Variants in PIN4 observed in about 807,000 individuals in gnomAD.
PIN4 encodes peptidyl-prolyl cis-trans isomerase NIMA-interacting 4.
A neutral mutation model predicts 8.3 loss-of-function variants in PIN4; 3 were observed. The ratio of observed to expected loss-of-function variants is 0.36; its 90% CI spans 0.16 to 0.93. The LOEUF (loss-of-function observed/expected upper bound fraction) is 0.93. Among genes scored for constraint, PIN4 ranks in the 40% least tolerant of loss-of-function variants. PIN4 has a pLI of 0.44. For missense variants in PIN4, 75 were observed against 100.6 expected (o/e 0.75, Z 1.09); for synonymous variants, 18 against 32.5 (o/e 0.55, Z 1.52).
At chrX:72,196,665 ACTT>A (rs2042767641) in intron 2 of PIN4, 117 bp from the exon 3 acceptor site, 1 of 542,392 alleles carries the variant, frequency 1.8e-6, no homozygotes, top group Non-Finnish European at 2.9e-6. Flanking sequence ...CAGGATTTTT[ACTT>A]GCTATGAACT....
chrX:72,207,830 T>C (rs1334740118), intron 3 of PIN4: 5 of 1,205,830 alleles, frequency 4.1e-6, no homozygotes, highest in Non-Finnish European at 4.5e-6. Context: ...TTTTCAGATA[T>C]TTTAAATCCC....
intron 3 of PIN4, chrX:72,208,210 C>T (rs773897881): frequency 8.3e-7 from 1 of 1,209,969 alleles, no homozygotes; most frequent in Non-Finnish European, 1.1e-6. Context: ...ATTGAGGTTT[C>T]TGGTCCGTTC....
At chrX:72,259,816 C>T (rs1416879523) in intron 3 of PIN4, among the ~76,000 whole-genome samples, 3 of 104,541 alleles carry the variant, frequency 2.9e-5, no homozygotes, top group African/African-American at 7.0e-5. Flanking sequence ...CCGCAACCTC[C>T]GCTTCCTGGG....
intron 3 of PIN4, among the ~76,000 whole-genome samples, chrX:72,233,742 T>C (rs1237366054): frequency 2.1e-5 from 2 of 97,470 alleles, no homozygotes; most frequent in Non-Finnish European, 1.9e-5. Context: ...AATTTGAATA[T>C]GGACTATGTA....
intron 3 of PIN4, chrX:72,239,110 G>T (rs1256486485): frequency 2.4e-6 from 1 of 416,536 alleles, no homozygotes; most frequent in Non-Finnish European, 4.2e-6. Flanking sequence ...CGACGCCTCC[G>T]CCTGAGCCCC....
chrX:72,235,679 C>G (rs1013945919), intron 3 of PIN4, among the ~76,000 whole-genome samples: 3 of 111,982 alleles, frequency 2.7e-5, no homozygotes, highest in African/African-American at 9.7e-5. Context: ...AGGCGTGAGC[C>G]ACCACACCCA....
intron 3 of PIN4, among the ~76,000 whole-genome samples, chrX:72,233,899 G>C (rs1186410427): frequency 9.3e-6 from 1 of 107,537 alleles, no homozygotes; most frequent in East Asian, 3.0e-4. Flanking sequence ...TGAATCACCT[G>C]AGGCCAGGAG....
chrX:72,223,119 G>A (rs2042934193), intron 3 of PIN4, among the ~76,000 whole-genome samples: 1 of 99,829 alleles, frequency 1.0e-5, no homozygotes, highest in African/African-American at 3.6e-5. Flanking sequence ...GGCGGATCAC[G>A]AGGTCAAGAG....
intron 3 of PIN4, among the ~76,000 whole-genome samples, chrX:72,251,362 CA>C (rs35914181): frequency 0.76 from 49,983 of 65,569 alleles, 14,193 homozygotes; most frequent in Middle Eastern, 0.83. Context: ...GACTCTGTCT[CA>C]AAAAAAAAAA....
intron 1 of PIN4, among the ~76,000 whole-genome samples, chrX:72,185,259 C>T (rs1170079457): frequency 9.0e-6 from 1 of 110,659 alleles, no homozygotes. Flanking sequence ...TCAGCTACCT[C>T]CCTCAGGCAG....
intron 3 of PIN4, chrX:72,206,743 T>C (rs1569489786): frequency 1.7e-6 from 2 of 1,211,083 alleles, no homozygotes; most frequent in African/African-American, 3.5e-5. Flanking sequence ...GTACATCAAA[T>C]CATGGTCTGA....
chrX:72,214,672 C>CAA (rs58451189), intron 3 of PIN4, among the ~76,000 whole-genome samples: 104 of 41,930 alleles, frequency 2.5e-3, no homozygotes, highest in African/African-American at 6.6e-3. Flanking sequence ...GACTCCATCT[C>CAA]AAAAAAAAAA....
chrX:72,204,970 T>G, intron 3 of PIN4: 4 of 1,061,119 alleles, frequency 3.8e-6, no homozygotes, highest in Non-Finnish European at 5.1e-6. Flanking sequence ...AAAAATTCCC[T>G]CATATTCAGT....
chrX:72,234,336 A>G (rs775005575), intron 3 of PIN4, among the ~76,000 whole-genome samples: 2 of 111,890 alleles, frequency 1.8e-5, no homozygotes, highest in South Asian at 7.4e-4. Flanking sequence ...GTCAAGTACT[A>G]CTGGTCGAGG....
At position 72,198,332 on chromosome X, in the gene PIN4, G is replaced by A. The variant is rs2042777020; in HGVS notation, c.*806G>A. 1.4e-6 allele frequency: 1 copy of A among 733,400 alleles called. No homozygotes were observed. Among genetic ancestry groups the A allele is most frequent in the Non-Finnish European group, 1.6e-6 (1 of 621,106 alleles). The allele number at this position is 733,400 out of a possible 1,213,427, so 60.4% of individuals were successfully genotyped here. A position where few individuals can be genotyped will look rare whatever the true frequency, so the allele number is the denominator to read the frequency against. ...TATACTGCTTCAAAAATAAAACTTT[G>A]CCAACACAGCTATGTGATTCTTAAC... is the stretch of plus-strand genomic sequence containing the variant. On this transcript the variant is annotated 3_prime_UTR_variant, in exon 4 of 4. Transcript: ENST00000373669.
intron 1 of PIN4, among the ~76,000 whole-genome samples, chrX:72,185,161 A>AAAAAAAAAAC (rs1293962182): frequency 9.6e-6 from 1 of 104,197 alleles, no homozygotes; most frequent in African/African-American, 3.4e-5. Context: ...AAAAAAAAAA[A>AAAAAAAAAAC]AAAAACAACT....
At chrX:72,223,272 G>A (rs6625980) in intron 3 of PIN4, among the ~76,000 whole-genome samples, 6 of 100,787 alleles carry the variant, frequency 6.0e-5, no homozygotes, top group African/African-American at 1.4e-4. Flanking sequence ...CCTGGGAGGC[G>A]GAGGTTGCGG....
At chrX:72,182,955 T>C (rs1256520946) in intron 1 of PIN4, among the ~76,000 whole-genome samples, 3 of 111,880 alleles carry the variant, frequency 2.7e-5, no homozygotes, top group Non-Finnish European at 5.6e-5. Context: ...CAGAAAGACC[T>C]GTAAGGAGAT....
chrX:72,196,745 G>T, intron 2 of PIN4, 40 bp from the exon 3 acceptor site: 4 of 1,159,992 alleles, frequency 3.4e-6, no homozygotes, highest in Non-Finnish European at 4.7e-6. Flanking sequence ...GGAGTCATTT[G>T]GGTCTCCAAG....
Sources: gnomAD v4.1 joint callset for allele counts (sites outside exome capture counted in the v4.1 genomes callset) on GRCh38, gnomAD v4.1.1 for gene constraint, MANE v1.5 for transcripts, NCBI Gene and HGNC (gene_info 2026-07-23, HGNC 2026-07-21) for gene names.